CTNNA2: variants seen among roughly 807,000 people sequenced by gnomAD.
CTNNA2 encodes the protein catenin alpha-2.
CTNNA2 carries 42 observed loss-of-function variants against 101.0 expected under a neutral mutation model. The observed-to-expected ratio is 0.42, with a 90% CI of 0.32 to 0.54. The LOEUF (loss-of-function observed/expected upper bound fraction) is 0.54, where lower values mean the gene tolerates loss of function less well. Among genes scored for constraint, CTNNA2 ranks in the 20% least tolerant of loss-of-function variants. The pLI, the probability that CTNNA2 is intolerant of heterozygous loss-of-function variation, is 0.14. For missense variants in CTNNA2, 871 were observed against 1,223.1 expected (o/e 0.71, Z 4.29); for synonymous variants, 450 against 456.4 (o/e 0.99, Z 0.18).
intron 18 of CTNNA2, among the ~76,000 whole-genome samples, chr2:80,638,749 A>G (rs1369634146): frequency 6.6e-6 from 1 of 152,234 alleles, no homozygotes; most frequent in Non-Finnish European, 1.5e-5. Flanking sequence ...AAAAAATGCA[A>G]ATGAAGACAG....
intron 7 of CTNNA2, among the ~76,000 whole-genome samples, chr2:80,295,224 AAT>A (rs1573622013): frequency 1.6e-5 from 2 of 123,870 alleles, no homozygotes; most frequent in East Asian, 5.0e-4. Context: ...GTCCTGAACA[AAT>A]TTTTTTTTTT....
rs536821519 is a variant in CTNNA2, at chr2:79,392,227, G to A, written c.-135+18214G>A. ...GATTGCTGGTGCTTCTCACACTTCA[G>A]TATGACTGAGATTTACTAAAATGTC... On this transcript the variant is annotated intron_variant, in intron 4 of 21. Coordinates refer to the CTNNA2 transcript ENST00000466387. 6.6e-5 allele frequency among the ~76,000 whole-genome samples: 10 copies of A among 152,304 alleles called. No homozygotes were observed. In the East Asian group the frequency reaches 1.9e-3, roughly 29 times the overall value.
chr2:79,229,063 T>G (rs1013650917), intron 2 of CTNNA2, among the ~76,000 whole-genome samples: 1 of 152,236 alleles, frequency 6.6e-6, no homozygotes, highest in Non-Finnish European at 1.5e-5. Flanking sequence ...GTCAAAAGTA[T>G]GTAGTCATGT....
At chr2:79,940,110 G>C (rs903987173) in intron 7 of CTNNA2, among the ~76,000 whole-genome samples, 1 of 152,056 alleles carries the variant, frequency 6.6e-6, no homozygotes, top group African/African-American at 2.4e-5. Flanking sequence ...AACCCACATG[G>C]ACCCTACTAA....
At chr2:79,497,646 A>G (rs552300808) in intron 4 of CTNNA2, among the ~76,000 whole-genome samples, 17 of 152,176 alleles carry the variant, frequency 1.1e-4, no homozygotes, top group Non-Finnish European at 1.6e-4. Flanking sequence ...AAGATAGGGT[A>G]TCTTCCACTA....
intron 3 of CTNNA2, among the ~76,000 whole-genome samples, chr2:79,325,781 C>A (rs1411496006): frequency 6.6e-6 from 1 of 152,196 alleles, no homozygotes; most frequent in Non-Finnish European, 1.5e-5. Context: ...ACTTATCATA[C>A]TGCTGACCAT....
chr2:79,929,801 G>T (rs1019458607), intron 7 of CTNNA2, among the ~76,000 whole-genome samples: 3 of 152,180 alleles, frequency 2.0e-5, no homozygotes, highest in African/African-American at 7.2e-5. Context: ...ATGATAATCA[G>T]TTCCATATTG....
intron 3 of CTNNA2, among the ~76,000 whole-genome samples, chr2:79,331,995 T>C (rs1676883782): frequency 6.6e-6 from 1 of 152,136 alleles, no homozygotes; most frequent in African/African-American, 2.4e-5. Flanking sequence ...TCTAAATATA[T>C]GTCATGACAT....
At chr2:79,524,921 T>C (rs1672320073) in intron 1 of CTNNA2, among the ~76,000 whole-genome samples, 1 of 151,792 alleles carries the variant, frequency 6.6e-6, no homozygotes, top group Non-Finnish European at 1.5e-5. Flanking sequence ...TTTTTTTTTT[T>C]GTATGCTATT....
intron 7 of CTNNA2, among the ~76,000 whole-genome samples, chr2:80,166,968 A>G (rs368601820): frequency 6.4e-4 from 97 of 152,132 alleles, no homozygotes; most frequent in African/African-American, 2.3e-3. Flanking sequence ...AAGAAAACCC[A>G]GGGGACTCAC....
chr2:79,837,775 G>A (rs1679500258), intron 3 of CTNNA2, among the ~76,000 whole-genome samples: 1 of 151,562 alleles, frequency 6.6e-6, no homozygotes, highest in Admixed American at 6.6e-5. Flanking sequence ...ATCAACAGTT[G>A]GAAATGTTTT....
At chr2:80,607,986 A>C (rs1477429717) in intron 16 of CTNNA2, among the ~76,000 whole-genome samples, 198 bp from the exon 17 acceptor site, 1 of 151,880 alleles carries the variant, frequency 6.6e-6, no homozygotes, top group Non-Finnish European at 1.5e-5. Context: ...TCTTCTGATA[A>C]AATTTTATTA....
intron 7 of CTNNA2, among the ~76,000 whole-genome samples, chr2:79,937,089 G>A (rs1687843123): frequency 6.6e-6 from 1 of 151,992 alleles, no homozygotes; most frequent in Admixed American, 6.6e-5. Flanking sequence ...TCTTCCCAAT[G>A]GAAAACAAAT....
At chr2:80,024,816 G>A (rs1694833195) in intron 7 of CTNNA2, among the ~76,000 whole-genome samples, 1 of 152,200 alleles carries the variant, frequency 6.6e-6, no homozygotes, top group Admixed American at 6.5e-5. Flanking sequence ...TTCAGTGGAA[G>A]ATCAGAGTGA....
intron 7 of CTNNA2, among the ~76,000 whole-genome samples, chr2:80,318,798 T>A (rs767587): frequency 0.081 from 12,389 of 152,046 alleles, 677 homozygotes; most frequent in East Asian, 0.16. Flanking sequence ...GAGTGTTAGG[T>A]TAGGATTCTT....
chr2:79,496,322 C>G (rs538481914), intron 4 of CTNNA2, among the ~76,000 whole-genome samples: 10 of 151,982 alleles, frequency 6.6e-5, no homozygotes, highest in Non-Finnish European at 1.5e-4. Context: ...GTAAAAGAGT[C>G]TGAAAGTATT....
chr2:79,554,010 A>T (rs912616519), intron 1 of CTNNA2, among the ~76,000 whole-genome samples: 4 of 152,112 alleles, frequency 2.6e-5, no homozygotes, highest in African/African-American at 9.7e-5. Context: ...TTGGGTCCCA[A>T]GGTTTTTGTT....
At chr2:80,578,718 GCCTCCATCA>G (rs1695278061) in intron 13 of CTNNA2, among the ~76,000 whole-genome samples, 1 of 152,030 alleles carries the variant, frequency 6.6e-6, no homozygotes, top group Non-Finnish European at 1.5e-5. Context: ...CTTGTTGCCC[GCCTCCATCA>G]CTTGCTAGGT....
chr2:80,019,233 G>A (rs1248450415), intron 7 of CTNNA2, among the ~76,000 whole-genome samples: 1 of 152,164 alleles, frequency 6.6e-6, no homozygotes, highest in African/African-American at 2.4e-5. Flanking sequence ...TGGATACTGA[G>A]GGACTGACTG....
Sources: allele counts gnomAD v4.1 joint callset (sites outside exome capture counted in the v4.1 genomes callset), GRCh38; gene constraint gnomAD v4.1.1; transcripts MANE v1.5; gene names NCBI Gene and HGNC (gene_info 2026-07-23, HGNC 2026-07-21).